DLG2: variants seen among roughly 807,000 people sequenced by gnomAD.
DLG2 encodes the protein disks large homolog 2.
A neutral mutation model predicts 132.5 loss-of-function variants in DLG2; 45 were observed. That is an observed-to-expected ratio of 0.34 (90% CI 0.27 to 0.44). DLG2 has a LOEUF of 0.44. Ranked by LOEUF, DLG2 falls within the 20% of genes least tolerant of loss-of-function variation. The probability of loss-of-function intolerance (pLI) is 1.00; values close to 1 mark genes in which losing one functional copy is unlikely to be tolerated. For synonymous variants in DLG2, 424 were observed against 419.6 expected (o/e 1.01, Z -0.13); for missense variants, 1,045 against 1,196.9 (o/e 0.87, Z 1.87).
At chr11:85,596,127 C>T (rs1421296366) in intron 3 of DLG2, among the ~76,000 whole-genome samples, 2 of 152,094 alleles carry the variant, frequency 1.3e-5, no homozygotes, top group South Asian at 2.1e-4. Flanking sequence ...CAGTGATTGA[C>T]GCATGTAATC....
intron 18 of DLG2, among the ~76,000 whole-genome samples, chr11:83,754,463 G>C (rs2093567268): frequency 6.6e-6 from 1 of 151,266 alleles, no homozygotes; most frequent in African/African-American, 2.5e-5. Flanking sequence ...TCCCATTATG[G>C]AGAAGCAGTG....
At chr11:84,411,485 T>C (rs2098903078) in intron 7 of DLG2, among the ~76,000 whole-genome samples, 2 of 152,092 alleles carry the variant, frequency 1.3e-5, no homozygotes, top group Non-Finnish European at 2.9e-5. Flanking sequence ...AGTTGTACAC[T>C]GATTTAATTA....
At chr11:83,823,598 AG>A (rs1294477337) in intron 17 of DLG2, among the ~76,000 whole-genome samples, 3 of 152,120 alleles carry the variant, frequency 2.0e-5, no homozygotes, top group Admixed American at 2.0e-4. Flanking sequence ...TAAAACTGAG[AG>A]GGGTCCTAGG....
intron 7 of DLG2, among the ~76,000 whole-genome samples, chr11:84,526,143 G>C (rs1276133294): frequency 6.6e-6 from 1 of 151,942 alleles, no homozygotes; most frequent in Non-Finnish European, 1.5e-5. Context: ...AAATATGTCT[G>C]GGAAATACTT....
chr11:83,997,212 C>T (rs546853181), intron 11 of DLG2, among the ~76,000 whole-genome samples: 21 of 152,092 alleles, frequency 1.4e-4, no homozygotes, highest in Non-Finnish European at 2.9e-4. Context: ...CATTTAAAAA[C>T]CTTTTATGCT....
intron 17 of DLG2, among the ~76,000 whole-genome samples, chr11:83,804,425 T>A (rs2045352276): frequency 6.6e-6 from 1 of 152,086 alleles, no homozygotes; most frequent in Non-Finnish European, 1.5e-5. Flanking sequence ...CTGTTTCCTG[T>A]TTATTTTGAA....
intron 19 of DLG2, chr11:83,631,123 T>C (rs2063471082): frequency 6.6e-6 from 1 of 151,198 alleles, no homozygotes; most frequent in Non-Finnish European, 1.5e-5. Flanking sequence ...TACAAACTTG[T>C]TGAATCCTTT....
At chr11:84,607,427 A>C (rs1299695463) in intron 6 of DLG2, among the ~76,000 whole-genome samples, 1 of 152,114 alleles carries the variant, frequency 6.6e-6, no homozygotes, top group African/African-American at 2.4e-5. Flanking sequence ...AGAGCAGGCT[A>C]TAATGATGTC....
intron 10 of DLG2, among the ~76,000 whole-genome samples, chr11:84,064,647 T>C (rs2096643936): frequency 6.6e-6 from 1 of 152,092 alleles, no homozygotes; most frequent in South Asian, 2.1e-4. Context: ...TTAGCTATCA[T>C]TACGAAAAAG....
intron 3 of DLG2, among the ~76,000 whole-genome samples, chr11:85,303,027 T>A (rs989501607): frequency 4.6e-5 from 7 of 152,190 alleles, no homozygotes; most frequent in Non-Finnish European, 1.0e-4. Context: ...GGAACCAGGA[T>A]TCTAACCCAG....
At chr11:85,164,900 C>T (rs891997505) in intron 4 of DLG2, among the ~76,000 whole-genome samples, 21 of 152,142 alleles carry the variant, frequency 1.4e-4, no homozygotes, top group Non-Finnish European at 5.9e-5. Flanking sequence ...GCCCACACAT[C>T]CTTTCAAATT....
intron 18 of DLG2, among the ~76,000 whole-genome samples, chr11:83,657,758 T>A (rs1229776272): frequency 6.6e-6 from 1 of 152,046 alleles, no homozygotes; most frequent in East Asian, 1.9e-4. Context: ...GCCAGGATGG[T>A]CTCAATCTCC....
At chr11:85,074,403 A>C (rs1292298719) in intron 6 of DLG2, among the ~76,000 whole-genome samples, 1 of 151,836 alleles carries the variant, frequency 6.6e-6, no homozygotes, top group South Asian at 2.1e-4. Context: ...GGAAGTAATG[A>C]CCTGCCTTAT....
chr11:83,944,126 T>C (rs1483586717), intron 14 of DLG2, among the ~76,000 whole-genome samples: 3 of 152,110 alleles, frequency 2.0e-5, no homozygotes, highest in Non-Finnish European at 4.4e-5. Flanking sequence ...GATGCGTGTA[T>C]GTATTTGACA....
At chr11:83,571,851 T>G (rs1157887781) in intron 19 of DLG2, among the ~76,000 whole-genome samples, 1 of 152,106 alleles carries the variant, frequency 6.6e-6, no homozygotes, top group Non-Finnish European at 1.5e-5. Flanking sequence ...TCTTAATATA[T>G]TCATATTTCA....
At chr11:83,840,830 G>A (rs1044020928) in intron 16 of DLG2, among the ~76,000 whole-genome samples, 3 of 152,136 alleles carry the variant, frequency 2.0e-5, no homozygotes, top group Non-Finnish European at 4.4e-5. Flanking sequence ...CGCTTCCATG[G>A]TGCTCAGAAT....
intron 5 of DLG2, among the ~76,000 whole-genome samples, chr11:85,125,806 TACACAC>T (rs71465021): frequency 0.12 from 17,911 of 148,536 alleles, 1,265 homozygotes; most frequent in Non-Finnish European, 0.16. Flanking sequence ...CCAGACATTA[TACACAC>T]ACACACACAC....
intron 15 of DLG2, among the ~76,000 whole-genome samples, chr11:83,929,709 G>A (rs1234704972): frequency 6.6e-6 from 1 of 152,056 alleles, no homozygotes; most frequent in Non-Finnish European, 1.5e-5. Context: ...AAAATAGGCT[G>A]GGAGCAGTTA....
At chr11:85,572,581 C>A (rs118130994) in intron 3 of DLG2, among the ~76,000 whole-genome samples, 1 of 152,232 alleles carries the variant, frequency 6.6e-6, no homozygotes, top group Non-Finnish European at 1.5e-5. Context: ...ATGCATTTAT[C>A]TTTCTTTGCA....
Sources: allele counts gnomAD v4.1 joint callset (sites outside exome capture counted in the v4.1 genomes callset), GRCh38; gene constraint gnomAD v4.1.1; transcripts MANE v1.5; gene names NCBI Gene and HGNC (gene_info 2026-07-23, HGNC 2026-07-21).